Variants in NDUFAF2 observed in about 807,000 individuals in gnomAD.
NDUFAF2 encodes NADH dehydrogenase [ubiquinone] 1 alpha subcomplex assembly factor 2.
Under a neutral mutation model 22.8 loss-of-function variants are expected in NDUFAF2, and 13 were observed. The ratio of observed to expected loss-of-function variants is 0.57; its 90% CI spans 0.37 to 0.91. NDUFAF2 has a LOEUF of 0.91. Among genes scored for constraint, NDUFAF2 ranks in the 40% least tolerant of loss-of-function variants. The probability of loss-of-function intolerance (pLI) is 0.01; values close to 1 mark genes in which losing one functional copy is unlikely to be tolerated. For synonymous variants in NDUFAF2, 53 were observed against 64.2 expected (o/e 0.83, Z 0.84); for missense variants, 162 against 195.2 (o/e 0.83, Z 1.01).
At chr5:61,116,992 C>T (rs12519764) in intron 3 of NDUFAF2, among the ~76,000 whole-genome samples, 15,627 of 152,084 alleles carry the variant, frequency 0.1, 1,076 homozygotes, top group South Asian at 0.16. Flanking sequence ...GAAAAATAAT[C>T]ATTTTCTACT....
At chr5:60,962,344 T>C (rs561130730) in intron 1 of NDUFAF2, among the ~76,000 whole-genome samples, 27 of 152,304 alleles carry the variant, frequency 1.8e-4, no homozygotes, top group African/African-American at 6.3e-4. Context: ...TTTTTATTAC[T>C]CAGTGATTAA....
chr5:61,091,811 G>A (rs1054548893), intron 2 of NDUFAF2, among the ~76,000 whole-genome samples: 5 of 152,188 alleles, frequency 3.3e-5, no homozygotes, highest in South Asian at 2.1e-4. Context: ...GTTGTCTTCC[G>A]AGGTTTTGTA....
chr5:60,963,982 A>T (rs1750723075), intron 1 of NDUFAF2, among the ~76,000 whole-genome samples: 2 of 152,214 alleles, frequency 1.3e-5, no homozygotes, highest in Non-Finnish European at 2.9e-5. Context: ...ACTGTGAATA[A>T]AATGGAGAAT....
intron 1 of NDUFAF2, among the ~76,000 whole-genome samples, chr5:60,984,074 A>C (rs897338761): frequency 2.0e-4 from 30 of 151,912 alleles, no homozygotes; most frequent in South Asian, 6.2e-4. Context: ...CTTTTATTTC[A>C]TTGAGCAGTG....
chr5:60,961,734 C>T (rs1413217676), intron 1 of NDUFAF2, among the ~76,000 whole-genome samples: 1 of 149,148 alleles, frequency 6.7e-6, no homozygotes, highest in African/African-American at 2.5e-5. Context: ...CCACCACACT[C>T]TAGCCTGGGC....
At chr5:61,113,632 C>A (rs35345838) in intron 3 of NDUFAF2, among the ~76,000 whole-genome samples, 1 of 152,132 alleles carries the variant, frequency 6.6e-6, no homozygotes, top group Non-Finnish European at 1.5e-5. Context: ...TTGCTTGTCA[C>A]TTCTTCCTGC....
chr5:61,083,903 T>C (rs917995681), intron 2 of NDUFAF2, among the ~76,000 whole-genome samples: 5 of 151,838 alleles, frequency 3.3e-5, no homozygotes, highest in African/African-American at 1.2e-4. Context: ...CTTGTGGTTG[T>C]CTGCATAAAC....
intron 1 of NDUFAF2, among the ~76,000 whole-genome samples, chr5:60,955,507 C>T (rs1750604038): frequency 6.6e-6 from 1 of 152,074 alleles, no homozygotes; most frequent in African/African-American, 2.4e-5. Context: ...TGTGATGCGT[C>T]CAGATTTGTT....
At chr5:61,105,624 C>G (rs2111776125) in intron 3 of NDUFAF2, among the ~76,000 whole-genome samples, 1 of 95,838 alleles carries the variant, frequency 1.0e-5, no homozygotes, top group East Asian at 5.0e-4. Flanking sequence ...AGCAATGATA[C>G]TGAGCAAAAA....
intron 1 of NDUFAF2, among the ~76,000 whole-genome samples, chr5:61,023,569 T>C (rs1389591878): frequency 6.6e-6 from 1 of 152,192 alleles, no homozygotes; most frequent in East Asian, 1.9e-4. Context: ...CTACATCTTT[T>C]GGTCCTTAAA....
At chr5:60,982,093 T>C (rs752740493) in intron 1 of NDUFAF2, among the ~76,000 whole-genome samples, 1 of 152,090 alleles carries the variant, frequency 6.6e-6, no homozygotes, top group Non-Finnish European at 1.5e-5. Context: ...ACAAATAGGA[T>C]TACATCATGT....
chr5:61,136,858 C>T (rs1004508341), intron 3 of NDUFAF2, among the ~76,000 whole-genome samples: 1 of 152,126 alleles, frequency 6.6e-6, no homozygotes, highest in Non-Finnish European at 1.5e-5. Flanking sequence ...CACTAAGGCT[C>T]ACTCCTGGGG....
chr5:61,061,710 C>A (rs1433756157), intron 1 of NDUFAF2, among the ~76,000 whole-genome samples: 1 of 152,106 alleles, frequency 6.6e-6, no homozygotes, highest in Non-Finnish European at 1.5e-5. Flanking sequence ...AGCTGAGGAA[C>A]CCAACTCTCC....
rs11285395 is a variant in NDUFAF2 at position 60,947,765 on chromosome 5, CAAA to C, written c.127+2399_127+2401del. Among the ~76,000 whole-genome samples the C allele has an allele frequency of 1.6e-3, 186 of 115,704 alleles. 3 individuals are homozygous for C. In the East Asian group the frequency reaches 0.021, roughly 13 times the overall value. The allele number at this position is 115,704 out of a possible 152,430, so 75.9% of individuals were successfully genotyped here. A position where few individuals can be genotyped will look rare whatever the true frequency, so the allele number is the denominator to read the frequency against. On this transcript the variant is annotated intron_variant, in intron 1 of 3. Transcript: ENST00000296597. ...TGGGTGACAGAGTGAGACTCCACCTCAAAAAAAAAAAAAAAAAACAAGCCCAAA... is the reference window on the plus strand; with the variant it reads ...TGGGTGACAGAGTGAGACTCCACCTCAAAAAAAAAAAAAAACAAGCCCAAA...
intron 1 of NDUFAF2, among the ~76,000 whole-genome samples, chr5:61,003,879 T>G (rs1188464348): frequency 1.3e-5 from 2 of 151,946 alleles, no homozygotes; most frequent in African/African-American, 4.8e-5. Context: ...GTTGCCCAGG[T>G]TGGTCCTGAA....
At chr5:60,997,785 C>T (rs1211009875) in intron 1 of NDUFAF2, among the ~76,000 whole-genome samples, 1 of 152,138 alleles carries the variant, frequency 6.6e-6, no homozygotes, top group African/African-American at 2.4e-5. Flanking sequence ...CTTGGATTCC[C>T]TCCCTCTTAT....
chr5:61,109,905 G>A (rs933013586), intron 3 of NDUFAF2, among the ~76,000 whole-genome samples: 3 of 152,036 alleles, frequency 2.0e-5, no homozygotes, highest in East Asian at 1.9e-4. Context: ...TGTCTTTATC[G>A]CAGTGTGAAA....
chr5:61,107,044 T>TACACACACACACAC (rs71578646), intron 3 of NDUFAF2, among the ~76,000 whole-genome samples: 1,210 of 64,560 alleles, frequency 0.019, 10 homozygotes, highest in South Asian at 0.021. Flanking sequence ...TTTGGATAAA[T>TACACACACACACAC]ATACACACAC....
rs547274944 is a variant in NDUFAF2 at position 60,963,049 on chromosome 5, C to A, written c.127+17667C>A. On this transcript the variant is annotated intron_variant, in intron 1 of 3. Coordinates refer to ENST00000296597, the MANE Select transcript of NDUFAF2 (RefSeq NM_174889.5). Reference sequence around the variant, plus strand: ...TACAGGCACGTGCCACCATGCCTGGCTAATTTTTGTATTTTTAGTAGAGGC... The same window carrying A: ...TACAGGCACGTGCCACCATGCCTGGATAATTTTTGTATTTTTAGTAGAGGC... Among the ~76,000 whole-genome samples, 38 of 151,796 alleles carry A rather than the reference C, an allele frequency of 2.5e-4. No individual in the cohort carries two copies. The East Asian group carries it at 5.2e-3, about 21-fold the overall frequency.
Sources: gnomAD v4.1 joint callset for allele counts (sites outside exome capture counted in the v4.1 genomes callset) on GRCh38, gnomAD v4.1.1 for gene constraint, MANE v1.5 for transcripts, NCBI Gene and HGNC (gene_info 2026-07-23, HGNC 2026-07-21) for gene names.